Variants in CBFA2T3 observed in about 807,000 individuals in gnomAD.
CBFA2T3 encodes the protein transcriptional corepressor CBFA2T3.
Under a neutral mutation model 58.6 loss-of-function variants are expected in CBFA2T3, and 31 were observed. That is an observed-to-expected ratio of 0.53 (90% CI 0.40 to 0.71). The LOEUF is 0.71. CBFA2T3 is among the 30% of genes least tolerant of loss of function. CBFA2T3 has a pLI of 0.00. For synonymous variants in CBFA2T3, 531 were observed against 421.9 expected (o/e 1.26, Z -3.17); for missense variants, 1,076 against 963.1 (o/e 1.12, Z -1.55).
At chr16:88,905,522 T>G (rs1970275333) in intron 1 of CBFA2T3, among the ~76,000 whole-genome samples, 1 of 151,700 alleles carries the variant, frequency 6.6e-6, no homozygotes, top group South Asian at 2.1e-4. Flanking sequence ...CCCCCCAGGA[T>G]GCAGCTCGCC....
chr16:88,882,707 T>A lies in CBFA2T3; in HGVS notation c.1172A>T (p.Glu391Val). ...GAGGTGCTTCCACTCTTCTGCCCAC[T>A]CACGCTCTGTGAGCTTGTGGTCGAT... ...EVIDHKLTER[E>V]WAEEWKHLNN... is the part of the protein sequence containing the mutation. Residue 391 changes from glutamate to valine, a missense_variant, in exon 8 of 12, where the codon GAG becomes GTG. Transcript: ENST00000268679. 1 of 1,590,698 alleles carries A rather than the reference T, an allele frequency of 6.3e-7. No homozygotes were observed. Among genetic ancestry groups the A allele is most frequent in the Non-Finnish European group, 8.6e-7 (1 of 1,168,852 alleles).
At chr16:88,964,652 CTA>C (rs1972450411) in intron 1 of CBFA2T3, among the ~76,000 whole-genome samples, 2 of 152,204 alleles carry the variant, frequency 1.3e-5, no homozygotes, top group Admixed American at 1.3e-4. Context: ...TGTATAAGAA[CTA>C]TGTTTTTAAG....
chr16:88,906,797 C>G (rs1295357363), intron 1 of CBFA2T3, among the ~76,000 whole-genome samples: 1 of 152,190 alleles, frequency 6.6e-6, no homozygotes, highest in Non-Finnish European at 1.5e-5. Flanking sequence ...CCAGAAGCAC[C>G]AGGGCATGTG....
Position 88,937,278 on chromosome 16 carries a change from G to A in CBFA2T3, c.152-35622C>T, listed in dbSNP as rs1307103094. The A allele has an allele frequency of 2.6e-5, 4 of 152,396 alleles. No homozygotes were observed. In the East Asian group the frequency reaches 7.7e-4, roughly 29 times the overall value. 9.4% of individuals were successfully genotyped at this position (152,396 alleles called of 1,614,324 possible). A position where few individuals can be genotyped will look rare whatever the true frequency, so the allele number is the denominator to read the frequency against. On this transcript the variant is annotated intron_variant, in intron 1 of 11. Coordinates refer to ENST00000268679, the MANE Select transcript of CBFA2T3 (RefSeq NM_005187.6). ...CCCAGAGAGACTGAGCCACGAGGTGGACGAACAGCGTGGTGTCCACCCAAC... is the reference window on the plus strand; with the variant it reads ...CCCAGAGAGACTGAGCCACGAGGTGAACGAACAGCGTGGTGTCCACCCAAC...
chr16:88,881,725 G>A (rs916012720), intron 8 of CBFA2T3: 14 of 484,672 alleles, frequency 2.9e-5, no homozygotes, highest in African/African-American at 1.4e-4. Context: ...CTAGACGCAC[G>A]CAGGAGTTTG....
chr16:88,940,883 G>T, intron 1 of CBFA2T3: 1 of 271,886 alleles, frequency 3.7e-6, no homozygotes, highest in Non-Finnish European at 5.6e-6. Context: ...GGGCGGGTTG[G>T]CTCCACCCTG....
chr16:88,945,204 G>A lies in CBFA2T3; in HGVS notation c.151+31453C>T, dbSNP rs569308681. 5.9e-5 allele frequency among the ~76,000 whole-genome samples: 9 copies of A among 152,276 alleles called. 1 individual carries two copies. Among genetic ancestry groups the A allele is most frequent in the Middle Eastern group, 6.8e-3 (2 of 294 alleles). ...CCACTGTCGTTCATTAAAAATATCT[G>A]AATAAACTCGTCTTAAACACCTGCA... On this transcript the variant is annotated intron_variant, in intron 1 of 11. Transcript: ENST00000268679.
intron 1 of CBFA2T3, among the ~76,000 whole-genome samples, chr16:88,970,625 T>A (rs1972629236): frequency 1.3e-5 from 2 of 152,340 alleles, no homozygotes; most frequent in South Asian, 4.1e-4. Flanking sequence ...GGGCCTGAGT[T>A]CCTGGGAAAA....
chr16:88,945,467 A>G (rs1243486507), intron 1 of CBFA2T3, among the ~76,000 whole-genome samples: 2 of 152,248 alleles, frequency 1.3e-5, no homozygotes, highest in Non-Finnish European at 2.9e-5. Flanking sequence ...AAACCAAACC[A>G]TAAGAAAACA....
intron 4 of CBFA2T3, 129 bp downstream of exon 4, chr16:88,892,115 G>A: frequency 1.5e-6 from 2 of 1,368,530 alleles, no homozygotes; most frequent in Non-Finnish European, 2.0e-6. Context: ...GGTGCAGGTG[G>A]CATCGTGGGA....
intron 1 of CBFA2T3, among the ~76,000 whole-genome samples, chr16:88,933,004 T>A (rs1474882758): frequency 6.6e-6 from 1 of 151,992 alleles, no homozygotes; most frequent in African/African-American, 2.4e-5. Context: ...AAAAATGGCC[T>A]CTTGGGCCAG....
intron 1 of CBFA2T3, among the ~76,000 whole-genome samples, chr16:88,918,764 A>T (rs910013891): frequency 6.6e-6 from 1 of 152,332 alleles, no homozygotes; most frequent in Middle Eastern, 3.4e-3. Flanking sequence ...CACATGGCCC[A>T]GCCCGGCCTC....
chr16:88,940,490 C>G (rs923844247), intron 1 of CBFA2T3, among the ~76,000 whole-genome samples: 1 of 152,248 alleles, frequency 6.6e-6, no homozygotes, highest in Non-Finnish European at 1.5e-5. Flanking sequence ...TGCCACCCGG[C>G]TGTGCCGAGG....
In CBFA2T3 at chr16:88,878,762, G is replaced by A. The variant is rs1236652694; in HGVS notation, c.1662+508C>T. Among the ~76,000 whole-genome samples the A allele has an allele frequency of 2.6e-5, 4 of 152,134 alleles. No individual in the cohort carries two copies. The East Asian group carries it at 7.7e-4, about 29-fold the overall frequency. On this transcript the variant is annotated intron_variant, in intron 11 of 11. Transcript: ENST00000268679. ...GGAGTTCGAGACCAGCCTGGCCTAC[G>A]TGGCAAAACCCCATCTCTACTAAAA...
chr16:88,913,236 G>C (rs771744472), intron 1 of CBFA2T3, among the ~76,000 whole-genome samples: 1 of 152,260 alleles, frequency 6.6e-6, no homozygotes, highest in African/African-American at 2.4e-5. Context: ...ACACGCCCAA[G>C]ATGAGACACA....
chr16:88,901,912 G>A (rs548709635), intron 1 of CBFA2T3, among the ~76,000 whole-genome samples: 400 of 152,304 alleles, frequency 2.6e-3, no homozygotes, highest in African/African-American at 8.8e-3. Flanking sequence ...GTGTGTGGCC[G>A]CCCTGCGAGA....
Position 88,898,100 on chromosome 16 carries a change from T to G in CBFA2T3, c.357A>C (p.Leu119Phe), listed in dbSNP as rs763080878. 1.2e-6 allele frequency: 2 copies of G among 1,612,248 alleles called. No individual in the cohort carries two copies. The highest frequency in any genetic ancestry group is 3.3e-5 in the Admixed American group (2 of 59,994). ...TLPHGRFHGCLKWSMVCLLMN... is the reference protein window; with the variant it reads ...TLPHGRFHGCFKWSMVCLLMN... Reference sequence around the variant, plus strand: ...TACAGAGACAGACCATAGACCATTTTAAGCAGCCATGAAAACGGCCGTGGG... The same window carrying G: ...TACAGAGACAGACCATAGACCATTTGAAGCAGCCATGAAAACGGCCGTGGG... Residue 119 changes from leucine (L) to phenylalanine (F), a missense_variant, in exon 3 of 12, where the codon TTA becomes TTC. By Grantham distance (22) the Leu-to-Phe change is conservative (BLOSUM62 0). Transcript: ENST00000268679.
chr16:88,875,783 GCT>G lies in CBFA2T3; in HGVS notation c.*1191_*1192del, dbSNP rs938795316. The G allele has an allele frequency of 2.1e-5, 5 of 233,422 alleles. No homozygotes were observed. Among genetic ancestry groups the G allele is most frequent in the African/African-American group, 1.1e-4 (5 of 45,304 alleles). The allele number at this position is 233,422 out of a possible 1,614,324, so 14.5% of individuals were successfully genotyped here. A position where few individuals can be genotyped will look rare whatever the true frequency, so the allele number is the denominator to read the frequency against. Reference sequence around the variant, plus strand: ...TGTCACAGTTTTGTTTCGGAATTATGCTCTCTCTGGGAAGAAAACTTTAGCAC... The same window carrying G: ...TGTCACAGTTTTGTTTCGGAATTATGCTCTCTGGGAAGAAAACTTTAGCAC... On this transcript the variant is annotated 3_prime_UTR_variant, in exon 12 of 12. Coordinates refer to ENST00000268679, the MANE Select transcript of CBFA2T3 (RefSeq NM_005187.6).
chr16:88,885,385 G>A lies in CBFA2T3; in HGVS notation c.894-116C>T, dbSNP rs903080518. The A allele has an allele frequency of 1.5e-6, 1 of 663,982 alleles. No individual in the cohort carries two copies. Among genetic ancestry groups the A allele is most frequent in the East Asian group, 3.2e-5 (1 of 30,908 alleles). 41.1% of individuals were successfully genotyped at this position (663,982 alleles called of 1,614,324 possible). A position where few individuals can be genotyped will look rare whatever the true frequency, so the allele number is the denominator to read the frequency against. On this transcript the variant is annotated intron_variant, in intron 6 of 11. Coordinates refer to ENST00000268679, the MANE Select transcript of CBFA2T3 (RefSeq NM_005187.6). This position sits in a 1 kb window ranked among gnomAD's most constrained non-coding sequence, Gnocchi z 5.3. ...GCAGAGAGAAAGAGGACACGTAAGG[G>A]CGAGACAGAAACACGGAGCAAAACA...
Sources: gnomAD v4.1 joint callset for allele counts (sites outside exome capture counted in the v4.1 genomes callset) on GRCh38, gnomAD v4.1.1 for gene constraint, Gnocchi (gnomAD v3.1) non-coding constraint, MANE v1.5 for transcripts, NCBI Gene and HGNC (gene_info 2026-07-23, HGNC 2026-07-21) for gene names.